NCOR1: variants seen among roughly 807,000 people sequenced by gnomAD.
NCOR1 encodes protein phosphatase 1, regulatory subunit 109.
NCOR1 carries 63 observed loss-of-function variants against 288.1 expected under a neutral mutation model. The observed-to-expected ratio is 0.22, with a 90% CI of 0.18 to 0.27. The LOEUF (loss-of-function observed/expected upper bound fraction) is 0.27, where lower values mean the gene tolerates loss of function less well. Ranked by LOEUF, NCOR1 falls within the 10% of genes least tolerant of loss-of-function variation. The pLI is 1.00. For synonymous variants in NCOR1, 1,007 were observed against 1,065.9 expected, an observed-to-expected ratio of 0.94 and a Z score of 1.08; for missense variants, 2,397 against 3,019.2, an observed-to-expected ratio of 0.79 and a Z score of 4.83.
rs2060880778 is a variant in NCOR1, at chr17:16,064,324, G to C, written c.5102-137C>G. 2.6e-6 allele frequency: 3 copies of C among 1,162,602 alleles called. No individual in the cohort carries two copies. In the African/African-American group the frequency reaches 4.6e-5, roughly 18 times the overall value. 72.0% of individuals were successfully genotyped at this position (1,162,602 alleles called of 1,614,324 possible). A position where few individuals can be genotyped will look rare whatever the true frequency, so the allele number is the denominator to read the frequency against. On this transcript the variant is annotated intron_variant, in intron 34 of 45. Transcript: ENST00000268712. ...GATATAAGAAGTTTGTTTTGGCTGGGTGCAGTGGCTGACACCTGTAATCCC... is the reference window on the plus strand; with the variant it reads ...GATATAAGAAGTTTGTTTTGGCTGGCTGCAGTGGCTGACACCTGTAATCCC...
chr17:16,095,289 C>T (rs1231992586), intron 21 of NCOR1, among the ~76,000 whole-genome samples: 23 of 149,572 alleles, frequency 1.5e-4, no homozygotes, highest in South Asian at 6.4e-4. Context: ...CGTCTCTGCC[C>T]GGCCGCCCCG....
Position 16,151,932 on chromosome 17 carries a change from T to C in NCOR1, c.842+14A>G. The C allele has an allele frequency of 3.8e-6, 6 of 1,581,072 alleles. No individual in the cohort carries two copies. Among genetic ancestry groups the C allele is most frequent in the Non-Finnish European group, 4.3e-6 (5 of 1,157,924 alleles). On this transcript the variant is annotated intron_variant, in intron 8 of 45. Coordinates refer to ENST00000268712, the MANE Select transcript of NCOR1 (RefSeq NM_006311.4). ...GTCTTTAATTGAAGAACTCCAAAGA[T>C]GATCAATACTTACGTCTTGATGTTC...
chr17:16,124,194 T>C (rs1263958895), intron 15 of NCOR1, among the ~76,000 whole-genome samples: 1 of 152,164 alleles, frequency 6.6e-6, no homozygotes, highest in Non-Finnish European at 1.5e-5. Context: ...ACTAGGTAAA[T>C]CTTAAACAGT....
chr17:16,051,228 T>TA (rs2059275441), intron 40 of NCOR1, among the ~76,000 whole-genome samples: 1 of 152,226 alleles, frequency 6.6e-6, no homozygotes, highest in African/African-American at 2.4e-5. Flanking sequence ...TTAGCACACA[T>TA]ACCCTTACTT....
At chr17:16,129,994 G>A (rs932482002) in intron 14 of NCOR1, among the ~76,000 whole-genome samples, 1 of 152,222 alleles carries the variant, frequency 6.6e-6, no homozygotes, top group Non-Finnish European at 1.5e-5. Flanking sequence ...TGCAGCACCT[G>A]CTTAAACCAA....
Position 16,064,247 on chromosome 17 carries a change from C to A in NCOR1, c.5102-60G>T. On this transcript the variant is annotated intron_variant, in intron 34 of 45. Transcript: ENST00000268712. ...ATATCAACTGACTGAGTATATCAAA[C>A]AATTCCGAAATTCTAAGTGACTGAA... is the stretch of plus-strand genomic sequence containing the variant. 3.9e-6 allele frequency: 6 copies of A among 1,545,476 alleles called. No individual in the cohort carries two copies. In the South Asian group the frequency reaches 6.0e-5, roughly 15 times the overall value.
chr17:16,032,285 C>G lies in NCOR1; in HGVS notation c.*11G>C. The stretch of plus-strand genomic sequence containing the variant: ...CCTCTCCTGCACCCTGTTCCCCTCA[C>G]TTTGTGCAGTTCAGTCATCACTATC... On this transcript the variant is annotated 3_prime_UTR_variant, in exon 46 of 46. Transcript: ENST00000268712. 6.3e-7 allele frequency: 1 copy of G among 1,599,968 alleles called. No homozygotes were observed. Among genetic ancestry groups the G allele is most frequent in the Non-Finnish European group, 8.5e-7 (1 of 1,175,332 alleles).
At chr17:16,072,108 G>A (rs1208388258) in intron 29 of NCOR1, 37 bp downstream of exon 29, 2 of 1,483,954 alleles carry the variant, frequency 1.3e-6, no homozygotes, top group African/African-American at 2.8e-5. Flanking sequence ...CAGGGAGGCA[G>A]TTATAAATAA....
At position 16,120,397 on chromosome 17, in the gene NCOR1, A is replaced by C. The variant is rs1355797206; in HGVS notation, c.1852+655T>G. Among the ~76,000 whole-genome samples, 4 of 151,864 alleles carry C rather than the reference A, an allele frequency of 2.6e-5. No homozygotes were observed. In the East Asian group the frequency reaches 7.7e-4, roughly 29 times the overall value. On this transcript the variant is annotated intron_variant, in intron 16 of 45. Coordinates refer to ENST00000268712, the MANE Select transcript of NCOR1 (RefSeq NM_006311.4). ...ACAAGGCCCATCATGACCTGCCCCA[A>C]CCTATCTTTCCTCCTCCTATCTAGT...
chr17:16,083,119 G>A (rs2063649213), intron 23 of NCOR1, among the ~76,000 whole-genome samples: 2 of 152,016 alleles, frequency 1.3e-5, no homozygotes, highest in Admixed American at 1.3e-4. Flanking sequence ...TGTAGTCCCA[G>A]CTACTTGGGA....
chr17:16,145,476 G>C (rs2077783204), intron 10 of NCOR1, among the ~76,000 whole-genome samples: 1 of 139,230 alleles, frequency 7.2e-6, no homozygotes, highest in African/African-American at 2.5e-5. Context: ...CCACCGCCCC[G>C]TCTGGGATGT....
At chr17:16,153,874 A>C (rs2079256571) in intron 6 of NCOR1, among the ~76,000 whole-genome samples, 1 of 152,190 alleles carries the variant, frequency 6.6e-6, no homozygotes. Flanking sequence ...CTTTGAAGAA[A>C]AGCTGTTAAT....
chr17:16,138,972 G>T, intron 12 of NCOR1, 36 bp downstream of exon 12: 2 of 1,390,720 alleles, frequency 1.4e-6, no homozygotes, highest in Non-Finnish European at 1.9e-6. Flanking sequence ...AACTTATGTA[G>T]ATGTCTATTA....
At chr17:16,162,802 TG>T (rs2081131772) in intron 5 of NCOR1, among the ~76,000 whole-genome samples, 1 of 152,202 alleles carries the variant, frequency 6.6e-6, no homozygotes, top group Non-Finnish European at 1.5e-5. Flanking sequence ...TTCCCTTCGA[TG>T]GAAGACTTGA....
intron 21 of NCOR1, among the ~76,000 whole-genome samples, chr17:16,095,032 TGG>T: frequency 6.9e-6 from 1 of 145,242 alleles, no homozygotes. Context: ...GCCCACCGTC[TGG>T]GATGTGAGGA....
chr17:16,146,311 T>TA (rs995989821), intron 10 of NCOR1, 65 bp downstream of exon 10: 10 of 1,463,098 alleles, frequency 6.8e-6, no homozygotes, highest in Non-Finnish European at 9.2e-6. Flanking sequence ...AAAAAATTTT[T>TA]AAAAAAAAGA....
intron 1 of NCOR1, among the ~76,000 whole-genome samples, chr17:16,207,171 A>G (rs2091611278): frequency 6.6e-6 from 1 of 152,232 alleles, no homozygotes; most frequent in Non-Finnish European, 1.5e-5. Context: ...GAATTTAAAA[A>G]TCTTAAAAGT....
chr17:16,107,060 CTT>C (rs1230236728), intron 19 of NCOR1, among the ~76,000 whole-genome samples: 1 of 150,336 alleles, frequency 6.7e-6, no homozygotes, highest in Non-Finnish European at 1.5e-5. Context: ...GCCCGGCTAA[CTT>C]TTTTTTGTAT....
intron 10 of NCOR1, 44 bp from the exon 11 acceptor site, chr17:16,143,740 A>G: frequency 7.4e-7 from 1 of 1,355,306 alleles, no homozygotes; most frequent in Non-Finnish European, 1.0e-6. Flanking sequence ...AAGACCTTAT[A>G]TAAAGACATA....
Sources: allele counts gnomAD v4.1 joint callset (sites outside exome capture counted in the v4.1 genomes callset), GRCh38; gene constraint gnomAD v4.1.1; transcripts MANE v1.5; gene names NCBI Gene and HGNC (gene_info 2026-07-23, HGNC 2026-07-21).